ABCA4: variants seen among roughly 807,000 people sequenced by gnomAD.
ABCA4 encodes the protein ATP binding cassette subfamily A member 4, also known as retinal-specific phospholipid-transporting ATPase ABCA4.
A neutral mutation model predicts 263.7 loss-of-function variants in ABCA4; 196 were observed. The observed-to-expected ratio is 0.74, with a 90% CI of 0.66 to 0.84. ABCA4 has a LOEUF of 0.84. Ranked by LOEUF, ABCA4 falls within the 40% of genes least tolerant of loss-of-function variation. The pLI is 0.00. For synonymous variants in ABCA4, 1,133 were observed against 1,094.2 expected (o/e 1.04, Z -0.70); for missense variants, 2,792 against 2,855.1 (o/e 0.98, Z 0.50).
At chr1:94,006,724 C>T (rs1213145405) in intron 43 of ABCA4, among the ~76,000 whole-genome samples, 2 of 152,168 alleles carry the variant, frequency 1.3e-5, no homozygotes, top group African/African-American at 2.4e-5. Context: ...GAAGCGTGCT[C>T]AGGACTCGTC....
At chr1:94,100,116 T>C (rs1012004298) in intron 5 of ABCA4, among the ~76,000 whole-genome samples, 3 of 152,270 alleles carry the variant, frequency 2.0e-5, no homozygotes, top group Admixed American at 1.3e-4. Flanking sequence ...GCCTGAGCTC[T>C]GCCACCTCCT....
chr1:94,080,086 G>A (rs1418276918), intron 8 of ABCA4, among the ~76,000 whole-genome samples: 5 of 152,062 alleles, frequency 3.3e-5, no homozygotes, highest in Non-Finnish European at 5.9e-5. Context: ...AGATTTTCAC[G>A]ATATTGTGTT....
chr1:94,023,470 G>A (rs775901759), intron 31 of ABCA4, 52 bp from the exon 32 acceptor site: 65 of 1,423,338 alleles, frequency 4.6e-5, no homozygotes, highest in African/African-American at 3.5e-4. Flanking sequence ...CAGCAGTGCC[G>A]TTAACTTTCT....
Position 94,000,924 on chromosome 1 carries a change from C to T in ABCA4, c.6391G>A (p.Glu2131Lys), listed in dbSNP as rs61750652. The T allele has an allele frequency of 1.2e-5, 19 of 1,614,064 alleles. No individual in the cohort carries two copies. The highest frequency in any genetic ancestry group is 1.6e-5 in the Non-Finnish European group (19 of 1,180,038). The change falls in exon 47 of 50, where the codon GAA (glutamate) becomes AAA (lysine). Residue 2131 changes from glutamate (E) to lysine (K), a missense_variant. Physicochemically the swap from Glu to Lys is moderately conservative, Grantham distance 56. Coordinates refer to ENST00000370225, the MANE Select transcript of ABCA4 (RefSeq NM_000350.3). ...RAVVLTSHSM[E>K]ECEALCTRLA... is the part of the protein sequence containing the mutation. ...CGGGTACACAGTGCCTCACATTCTT[C>T]CATGCTGTGGGGCAGGAGAGAGGAG...
intron 24 of ABCA4, among the ~76,000 whole-genome samples, chr1:94,039,483 C>G (rs903094108): frequency 1.3e-5 from 2 of 152,206 alleles, no homozygotes; most frequent in African/African-American, 4.8e-5. Context: ...AGGGGATAGC[C>G]TCTCCACTGC....
intron 16 of ABCA4, 147 bp downstream of exon 16, chr1:94,054,964 C>G: frequency 1.2e-6 from 1 of 837,350 alleles, no homozygotes; most frequent in Non-Finnish European, 1.9e-6. Flanking sequence ...GTAGGATTTG[C>G]TGGTGGATTT....
At chr1:94,097,611 A>G (rs1315867316) in intron 6 of ABCA4, among the ~76,000 whole-genome samples, 1 of 152,202 alleles carries the variant, frequency 6.6e-6, no homozygotes, top group African/African-American at 2.4e-5. Context: ...GTGGCCTACA[A>G]TGGTCTTCAT....
At chr1:94,079,190 CAA>C in intron 9 of ABCA4, 130 bp downstream of exon 9, 1 of 1,359,176 alleles carries the variant, frequency 7.4e-7, no homozygotes, top group East Asian at 2.3e-5. Context: ...GGAGGAAACG[CAA>C]GAGTCCACTT....
In ABCA4 at chr1:94,097,237, G is replaced by A. The variant is rs541319199; in HGVS notation, c.768+1557C>T. 8.5e-5 allele frequency among the ~76,000 whole-genome samples: 13 copies of A among 152,250 alleles called. No individual in the cohort carries two copies. In the East Asian group the frequency reaches 2.5e-3, roughly 29 times the overall value. On this transcript the variant is annotated intron_variant, in intron 6 of 49. Coordinates refer to ENST00000370225, the MANE Select transcript of ABCA4 (RefSeq NM_000350.3). ...GGCTCTGACCCTTCATACTCACTCTGGGGCCCCACCCTGACGAGCTGGGAA... is the reference window on the plus strand; with the variant it reads ...GGCTCTGACCCTTCATACTCACTCTAGGGCCCCACCCTGACGAGCTGGGAA...
At chr1:94,020,727 T>C (rs963121262) in intron 35 of ABCA4, among the ~76,000 whole-genome samples, 4 of 152,194 alleles carry the variant, frequency 2.6e-5, no homozygotes, top group Admixed American at 6.5e-5. Flanking sequence ...CCCTCCTCCA[T>C]GTAGGCCTCA....
chr1:94,061,198 G>A (rs751702809), intron 13 of ABCA4, among the ~76,000 whole-genome samples: 1 of 152,130 alleles, frequency 6.6e-6, no homozygotes, highest in African/African-American at 2.4e-5. Flanking sequence ...GCTCCCCAAG[G>A]GGTCAGCCGC....
At chr1:94,096,471 C>G (rs1430169769) in intron 6 of ABCA4, among the ~76,000 whole-genome samples, 1 of 152,222 alleles carries the variant, frequency 6.6e-6, no homozygotes, top group East Asian at 1.9e-4. Flanking sequence ...TTCACAGGTG[C>G]CTGATGCAGG....
Position 94,077,700 on chromosome 1 carries a change from T to A in ABCA4, c.1544A>T (p.Gln515Leu), listed in dbSNP as rs372838089. The part of the protein sequence containing the change: ...ITDRTLRLVN[Q>L]YLECLVLDKF... Reference sequence around the variant, plus strand: ...CTTGCAGCCCCTTACCTCCAGGTATTGATTGACCAGGCGGAGGGTGCGATC... The same window carrying A: ...CTTGCAGCCCCTTACCTCCAGGTATAGATTGACCAGGCGGAGGGTGCGATC... The change falls in exon 11 of 50, where the codon CAA becomes CTA. Residue 515 changes from glutamine (Q) to leucine (L), a missense_variant. By Grantham distance (113) the Gln-to-Leu change is moderately radical. Coordinates refer to ENST00000370225, the MANE Select transcript of ABCA4 (RefSeq NM_000350.3). 6.2e-7 allele frequency: 1 copy of A among 1,612,372 alleles called. No individual in the cohort carries two copies. Among genetic ancestry groups the A allele is most frequent in the East Asian group, 2.2e-5 (1 of 44,844 alleles).
At chr1:94,054,700 C>T (rs900037448) in intron 16 of ABCA4, among the ~76,000 whole-genome samples, 15 of 152,068 alleles carry the variant, frequency 9.9e-5, no homozygotes, top group Middle Eastern at 3.4e-3. Flanking sequence ...AGTTGGAGGC[C>T]GGATAATGAA....
At chr1:94,059,155 G>A (rs1557785634) in intron 14 of ABCA4, among the ~76,000 whole-genome samples, 1 of 152,216 alleles carries the variant, frequency 6.6e-6, no homozygotes, top group Non-Finnish European at 1.5e-5. Context: ...TCTCATGGCT[G>A]TTGCTAGTCA....
At chr1:94,002,224 G>A (rs1467679838) in intron 44 of ABCA4, among the ~76,000 whole-genome samples, 9 of 152,180 alleles carry the variant, frequency 5.9e-5, no homozygotes, top group African/African-American at 2.2e-4. Flanking sequence ...AGCATCTGTT[G>A]GGTGTAGCCG....
At chr1:94,029,308 C>A (rs764462015) in intron 30 of ABCA4, 137 bp downstream of exon 30, 246 of 860,760 alleles carry the variant, frequency 2.9e-4, no homozygotes, top group Non-Finnish European at 3.6e-4. Context: ...CCAGAGGGTG[C>A]AGGGAGTTTG....
At chr1:94,079,252 C>T in intron 9 of ABCA4, 70 bp downstream of exon 9, 1 of 1,500,434 alleles carries the variant, frequency 6.7e-7, no homozygotes. Context: ...ATCTCTCTCA[C>T]ACACACACAC....
intron 36 of ABCA4, among the ~76,000 whole-genome samples, chr1:94,016,956 CA>C (rs548714577): frequency 1.3e-3 from 200 of 152,124 alleles, no homozygotes; most frequent in Non-Finnish European, 2.4e-3. Flanking sequence ...GGAGGAGGTC[CA>C]GGGGCATGAG....
Sources: gnomAD v4.1 joint callset for allele counts (sites outside exome capture counted in the v4.1 genomes callset) on GRCh38, gnomAD v4.1.1 for gene constraint, MANE v1.5 for transcripts, NCBI Gene and HGNC (gene_info 2026-07-23, HGNC 2026-07-21) for gene names.